ABR: variants seen among roughly 807,000 people sequenced by gnomAD.
ABR encodes ABR activator of RhoGEF and GTPase, also known as active breakpoint cluster region-related protein.
Under a neutral mutation model 107.2 loss-of-function variants are expected in ABR, and 35 were observed. The observed-to-expected ratio is 0.33, with a 90% confidence interval of 0.25 to 0.43. ABR has a LOEUF of 0.43. Among genes scored for constraint, ABR ranks in the 20% least tolerant of loss-of-function variants. ABR has a pLI of 1.00. For missense variants in ABR, 815 were observed against 1,115.2 expected (o/e 0.73, Z 3.83); for synonymous variants, 498 against 462.0 (o/e 1.08, Z -1.00).
rs1013582117 is a variant in ABR, at chr17:1,092,828, C to T, written c.346-978G>A. On this transcript the variant is annotated intron_variant, in intron 3 of 22. Transcript: ENST00000302538. The surrounding 1 kb of genome is among the most constrained non-coding windows in gnomAD (Gnocchi z 4.6). ...AGGGTGGCCAGAGGGAGAGCAGCCACGTCGAATTCTTTTTTTTTTGGAGAC... is the reference window on the plus strand; with the variant it reads ...AGGGTGGCCAGAGGGAGAGCAGCCATGTCGAATTCTTTTTTTTTTGGAGAC... Among the ~76,000 whole-genome samples the T allele has an allele frequency of 1.3e-5, 2 of 151,798 alleles. No individual in the cohort carries two copies. The highest frequency in any genetic ancestry group is 6.6e-5 in the Admixed American group (1 of 15,262).
rs1052510044 is a variant in ABR at position 1,037,218 on chromosome 17, C to T, written c.1791+12832G>A. The stretch of plus-strand genomic sequence containing the variant: ...AAGGCAGTCAGGATGAAATCAGTTG[C>T]TCTACGGCCCAGACCTAGGCCTGCC... On this transcript the variant is annotated intron_variant, in intron 16 of 22. Coordinates refer to ENST00000302538, the MANE Select transcript of ABR (RefSeq NM_021962.5). This position sits in a 1 kb window ranked among gnomAD's most constrained non-coding sequence, Gnocchi z 4.6. Among the ~76,000 whole-genome samples, 6 of 152,230 alleles carry T rather than the reference C, an allele frequency of 3.9e-5. No individual in the cohort carries two copies. Among genetic ancestry groups the T allele is most frequent in the African/African-American group, 1.2e-4 (5 of 41,452 alleles).
Position 1,154,034 on chromosome 17 carries a change from C to T in ABR, c.61+25633G>A, listed in dbSNP as rs1314780698. The T allele has an allele frequency of 1.3e-5, 2 of 155,404 alleles. No individual in the cohort carries two copies. The highest frequency in any genetic ancestry group is 1.4e-5 in the Non-Finnish European group (1 of 70,318). 9.6% of individuals were successfully genotyped at this position (155,404 alleles called of 1,614,324 possible). ...GGCTCTGCTCCCACTCGGGGGCGGG[C>T]GCGTGGGAGGACCAACGAAGAGGGA... On this transcript the variant is annotated intron_variant, in intron 1 of 22. Coordinates refer to ENST00000302538, the MANE Select transcript of ABR (RefSeq NM_021962.5). This position sits in a 1 kb window ranked among gnomAD's most constrained non-coding sequence, Gnocchi z 4.0.
At chr17:1,194,777 C>G (rs1290713081) in intron 1 of ABR, among the ~76,000 whole-genome samples, 3 of 123,962 alleles carry the variant, frequency 2.4e-5, no homozygotes, top group Non-Finnish European at 3.4e-5. Context: ...CCTCAGCCCC[C>G]CTAGTAGCTG....
At chr17:1,209,195 A>G (rs2042856146) in intron 1 of ABR, among the ~76,000 whole-genome samples, 1 of 151,974 alleles carries the variant, frequency 6.6e-6, no homozygotes, top group Non-Finnish European at 1.5e-5. Flanking sequence ...TCATAAAATC[A>G]GACATACAGT....
At chr17:1,185,669 A>AATAAAAT (rs1327081949) in intron 1 of ABR, among the ~76,000 whole-genome samples, 4,496 of 148,748 alleles carry the variant, frequency 0.03, 128 homozygotes, top group East Asian at 0.12. Flanking sequence ...AAAAAAAAAA[A>AATAAAAT]AAAAAAAAAA....
chr17:1,179,689 G>A lies in ABR; in HGVS notation c.39C>T (p.Ser13=), dbSNP rs765918340. ...TACTGCTGTAGAGGGTGTCGATCCA[G>A]GACAGGCGCGGCAGGCCCCGGTGGC... ...PLSHRGLPRL[S]WIDTLYSNFS... is the part of the protein sequence containing the mutation. The change falls in exon 1 of 23, where the codon TCC becomes TCT. Residue 13 remains serine, a synonymous_variant. Coordinates refer to ENST00000302538, the MANE Select transcript of ABR (RefSeq NM_021962.5). The surrounding 1 kb of genome is among the most constrained non-coding windows in gnomAD (Gnocchi z 4.9). 3 of 1,563,366 alleles carry A rather than the reference G, an allele frequency of 1.9e-6. No individual in the cohort carries two copies. Among genetic ancestry groups the A allele is most frequent in the Admixed American group, 3.6e-5 (2 of 55,736 alleles).
intron 1 of ABR, among the ~76,000 whole-genome samples, chr17:1,146,455 A>G (rs1486661900): frequency 6.6e-6 from 1 of 152,130 alleles, no homozygotes; most frequent in Non-Finnish European, 1.5e-5. Context: ...GAATGATAGG[A>G]TTGTTGTGGG....
intron 1 of ABR, among the ~76,000 whole-genome samples, chr17:1,193,276 C>CG (rs1218181855): frequency 6.6e-6 from 1 of 151,136 alleles, no homozygotes; most frequent in Non-Finnish European, 1.5e-5. Context: ...CACCCCCTCC[C>CG]CCTCAATACC....
chr17:1,022,949 C>G (rs1365507118), intron 16 of ABR, among the ~76,000 whole-genome samples: 2 of 152,266 alleles, frequency 1.3e-5, no homozygotes, highest in Non-Finnish European at 2.9e-5. Flanking sequence ...GCACCCGCAG[C>G]AACCTGCCTT....
At chr17:1,216,138 C>A (rs2043003587) in intron 1 of ABR, among the ~76,000 whole-genome samples, 1 of 151,596 alleles carries the variant, frequency 6.6e-6, no homozygotes, top group Admixed American at 6.6e-5. Flanking sequence ...CCTGCCAAAT[C>A]CCCCTCTCCG....
intron 9 of ABR, among the ~76,000 whole-genome samples, chr17:1,069,167 C>A (rs1313694289): frequency 6.6e-6 from 1 of 152,116 alleles, no homozygotes; most frequent in African/African-American, 2.4e-5. Context: ...ATTGGGCATT[C>A]ACAGTGATTA....
At chr17:1,086,868 G>A (rs960835487) in intron 4 of ABR, among the ~76,000 whole-genome samples, 1 of 152,126 alleles carries the variant, frequency 6.6e-6, no homozygotes, top group Non-Finnish European at 1.5e-5. Flanking sequence ...TCGCTACTTG[G>A]GAGACTGAGG....
chr17:1,039,869 G>A (rs750270273), intron 16 of ABR, among the ~76,000 whole-genome samples: 6 of 152,146 alleles, frequency 3.9e-5, no homozygotes, highest in Non-Finnish European at 7.4e-5. Context: ...GCGCCGACGC[G>A]GGCTGATCTT....
chr17:1,109,101 GC>G, intron 2 of ABR: 1 of 1,588,426 alleles, frequency 6.3e-7, no homozygotes, highest in South Asian at 1.1e-5. Flanking sequence ...CAGACAGGAA[GC>G]GGGGTCCACG....
At chr17:1,025,484 G>A (rs1240069343) in intron 16 of ABR, among the ~76,000 whole-genome samples, 6 of 152,110 alleles carry the variant, frequency 3.9e-5, no homozygotes, top group African/African-American at 9.7e-5. Flanking sequence ...CACTGCATTC[G>A]GATTAAAGGC....
At chr17:1,047,884 G>A (rs1361871485) in intron 16 of ABR, among the ~76,000 whole-genome samples, 3 of 152,206 alleles carry the variant, frequency 2.0e-5, no homozygotes, top group Non-Finnish European at 4.4e-5. Flanking sequence ...ATGTGCCCTC[G>A]GGCCTTGGGA....
At chr17:1,176,270 T>C (rs1282896136) in intron 1 of ABR, among the ~76,000 whole-genome samples, 1 of 152,112 alleles carries the variant, frequency 6.6e-6, no homozygotes, top group Admixed American at 6.5e-5. Context: ...TCAGAGCCAT[T>C]GAAGCCATTT....
At chr17:1,079,454 G>T (rs547226560) in intron 5 of ABR, 64 bp from the exon 6 acceptor site, 22 of 1,474,414 alleles carry the variant, frequency 1.5e-5, no homozygotes, top group Non-Finnish European at 1.8e-5. Flanking sequence ...CCCCCACTGT[G>T]AGCCTGGCAA....
chr17:1,072,593 C>T (rs752018280), intron 8 of ABR, 21 bp downstream of exon 8: 6 of 1,589,594 alleles, frequency 3.8e-6, no homozygotes, highest in East Asian at 2.3e-5. Flanking sequence ...GGTGAGGGGC[C>T]GTGCCGGGCT....
Sources: allele counts gnomAD v4.1 joint callset (sites outside exome capture counted in the v4.1 genomes callset), GRCh38; gene constraint gnomAD v4.1.1; non-coding constraint Gnocchi (gnomAD v3.1); transcripts MANE v1.5; gene names NCBI Gene and HGNC (gene_info 2026-07-23, HGNC 2026-07-21).